Variants in KIF16B observed in about 807,000 individuals in gnomAD.
KIF16B encodes kinesin family member 16B, also known as kinesin-like protein KIF16B.
Under a neutral mutation model 156.3 loss-of-function variants are expected in KIF16B, and 98 were observed. That is an observed-to-expected ratio of 0.63 (90% CI 0.53 to 0.74). The LOEUF (loss-of-function observed/expected upper bound fraction) is 0.74, where lower values mean the gene tolerates loss of function less well. KIF16B is among the 30% of genes least tolerant of loss of function. The probability of loss-of-function intolerance (pLI) is 0.00; values close to 1 mark genes in which losing one functional copy is unlikely to be tolerated. For missense variants in KIF16B, 1,421 were observed against 1,606.5 expected, an observed-to-expected ratio of 0.88 and a Z score of 1.97; for synonymous variants, 564 against 583.7, an observed-to-expected ratio of 0.97 and a Z score of 0.49.
intron 15 of KIF16B, among the ~76,000 whole-genome samples, chr20:16,408,871 C>T (rs1208027183): frequency 6.6e-6 from 1 of 152,082 alleles, no homozygotes; most frequent in Non-Finnish European, 1.5e-5. Context: ...CTCAACAAAT[C>T]TCGTGAATTT....
chr20:16,438,090 T>C (rs1332073423), intron 12 of KIF16B, among the ~76,000 whole-genome samples: 1 of 151,844 alleles, frequency 6.6e-6, no homozygotes, highest in Non-Finnish European at 1.5e-5. Flanking sequence ...GACGTTGCAG[T>C]GAGCCAAGAT....
intron 24 of KIF16B, among the ~76,000 whole-genome samples, chr20:16,333,480 T>C (rs59764521): frequency 6.6e-6 from 1 of 152,170 alleles, no homozygotes; most frequent in African/African-American, 2.4e-5. Context: ...CCATGCAGAG[T>C]TGCTCAATAC....
chr20:16,284,158 C>G (rs2063187646), intron 25 of KIF16B, among the ~76,000 whole-genome samples: 4 of 152,238 alleles, frequency 2.6e-5, no homozygotes, highest in Admixed American at 2.6e-4. Flanking sequence ...CACACCAGGA[C>G]AGCCACTGGG....
chr20:16,274,578 A>G (rs2122235059), intron 25 of KIF16B, among the ~76,000 whole-genome samples: 1 of 152,364 alleles, frequency 6.6e-6, no homozygotes, highest in Non-Finnish European at 1.5e-5. Context: ...CAACCCTGGC[A>G]CAGTCTTAGG....
At chr20:16,556,242 C>T (rs2070842991) in intron 1 of KIF16B, among the ~76,000 whole-genome samples, 1 of 152,182 alleles carries the variant, frequency 6.6e-6, no homozygotes, top group African/African-American at 2.4e-5. Flanking sequence ...TCACCAAAAA[C>T]AAAAACAAAG....
chr20:16,460,775 C>A (rs1414701765), intron 12 of KIF16B, among the ~76,000 whole-genome samples: 3 of 151,806 alleles, frequency 2.0e-5, no homozygotes, highest in Non-Finnish European at 2.9e-5. Flanking sequence ...CAAATATAGT[C>A]TAGATACAAA....
At chr20:16,373,360 T>C (rs1031007424) in intron 20 of KIF16B, among the ~76,000 whole-genome samples, 1 of 152,184 alleles carries the variant, frequency 6.6e-6, no homozygotes, top group African/African-American at 2.4e-5. Context: ...TCTCCTAATA[T>C]CTAGGGTTCA....
chr20:16,379,117 T>C lies in KIF16B; in HGVS notation c.2885A>G (p.Asn962Ser). The part of the protein sequence containing the change: ...KEEQLAQYQA[N>S]ANQLQKLQAT... ...TTGGAGCTTTTGCAGCTGGTTTGCA[T>C]TGGCCTGGTACTGTGCAAGCTGTTC... The change falls in exon 19 of 26, where the codon AAT becomes AGT. Residue 962 changes from asparagine (N) to serine (S), a missense_variant. By Grantham distance (46) the Asn-to-Ser change is conservative (BLOSUM62 1). Coordinates refer to ENST00000354981, the MANE Select transcript of KIF16B (RefSeq NM_024704.5). 1.9e-6 allele frequency: 3 copies of C among 1,613,754 alleles called. 1 individual carries two copies. The highest frequency in any genetic ancestry group is 1.1e-5 in the South Asian group (1 of 90,984).
At chr20:16,441,023 T>C (rs2066785384) in intron 12 of KIF16B, among the ~76,000 whole-genome samples, 1 of 152,224 alleles carries the variant, frequency 6.6e-6, no homozygotes, top group African/African-American at 2.4e-5. Context: ...TTAACTAGAC[T>C]TTTTAAGTAG....
intron 10 of KIF16B, among the ~76,000 whole-genome samples, chr20:16,498,799 T>C (rs1349368237): frequency 7.7e-6 from 1 of 130,622 alleles, no homozygotes. Context: ...CATCTATACG[T>C]ATGGTTTTTA....
chr20:16,567,644 T>C (rs1190655160), intron 1 of KIF16B, among the ~76,000 whole-genome samples: 1 of 152,072 alleles, frequency 6.6e-6, no homozygotes, highest in African/African-American at 2.4e-5. Flanking sequence ...GAGGAGGAAA[T>C]GCAATTGCCA....
intron 7 of KIF16B, among the ~76,000 whole-genome samples, chr20:16,507,261 C>T (rs1377453830): frequency 1.3e-5 from 2 of 152,222 alleles, no homozygotes; most frequent in Middle Eastern, 3.4e-3. Flanking sequence ...TTAGAAAACT[C>T]ATTTTTGTGC....
intron 24 of KIF16B, among the ~76,000 whole-genome samples, chr20:16,319,821 G>A (rs1429567073): frequency 6.6e-6 from 1 of 152,148 alleles, no homozygotes; most frequent in Non-Finnish European, 1.5e-5. Context: ...TTAGGGGATT[G>A]AGCAGGGGAA....
At chr20:16,460,027 G>T (rs2067306082) in intron 12 of KIF16B, among the ~76,000 whole-genome samples, 1 of 152,112 alleles carries the variant, frequency 6.6e-6, no homozygotes. Context: ...TGGGTAAAAA[G>T]GTAGTATCTT....
intron 12 of KIF16B, among the ~76,000 whole-genome samples, chr20:16,475,621 T>C (rs1352708168): frequency 1.3e-5 from 2 of 152,240 alleles, no homozygotes; most frequent in Non-Finnish European, 2.9e-5. Flanking sequence ...CAACGAAGGA[T>C]GACAGAAATA....
chr20:16,445,080 T>C (rs1302653065), intron 12 of KIF16B, among the ~76,000 whole-genome samples: 3 of 152,114 alleles, frequency 2.0e-5, no homozygotes, highest in African/African-American at 4.8e-5. Context: ...CATGCACCTA[T>C]AGTCCTAGCT....
chr20:16,370,821 A>G (rs901309147), intron 21 of KIF16B, among the ~76,000 whole-genome samples, 185 bp from the exon 22 acceptor site: 4 of 152,340 alleles, frequency 2.6e-5, no homozygotes, highest in South Asian at 2.1e-4. Flanking sequence ...TCCATCTGCC[A>G]TCAGAGAACT....
intron 22 of KIF16B, 57 bp downstream of exon 22, chr20:16,370,529 C>T: frequency 2.2e-6 from 3 of 1,375,758 alleles, no homozygotes; most frequent in Non-Finnish European, 3.0e-6. Context: ...AAAATGTAAT[C>T]ACATGAGCAT....
intron 1 of KIF16B, among the ~76,000 whole-genome samples, chr20:16,558,246 T>C (rs1439202111): frequency 1.3e-5 from 2 of 152,190 alleles, no homozygotes; most frequent in Non-Finnish European, 2.9e-5. Flanking sequence ...ACACAGAGTG[T>C]GGCAGAAAGA....
Sources: gnomAD v4.1 joint callset for allele counts (sites outside exome capture counted in the v4.1 genomes callset) on GRCh38, gnomAD v4.1.1 for gene constraint, MANE v1.5 for transcripts, NCBI Gene and HGNC (gene_info 2026-07-23, HGNC 2026-07-21) for gene names.